The following NEK6 variants were observed in gnomAD, a reference collection of about 807,000 sequenced individuals.
NEK6 encodes NIMA related kinase 6.
NEK6 carries 27 observed loss-of-function variants against 43.5 expected under a neutral mutation model. The ratio of observed to expected loss-of-function variants is 0.62; its 90% CI spans 0.46 to 0.86. The LOEUF (loss-of-function observed/expected upper bound fraction) is 0.86. NEK6 is among the 40% of genes least tolerant of loss of function. NEK6 has a pLI of 0.00. For synonymous variants in NEK6, 167 were observed against 164.1 expected, an observed-to-expected ratio of 1.02 and a Z score of -0.14; for missense variants, 318 against 414.4, an observed-to-expected ratio of 0.77 and a Z score of 2.02.
intron 7 of NEK6, among the ~76,000 whole-genome samples, chr9:124,338,678 G>A (rs1829414533): frequency 6.6e-6 from 1 of 152,210 alleles, no homozygotes; most frequent in Admixed American, 6.5e-5. Context: ...GAGCTAAGTG[G>A]TCAGTTTCTG....
At chr9:124,263,237 C>G (rs114770455) in intron 1 of NEK6, among the ~76,000 whole-genome samples, 1 of 152,182 alleles carries the variant, frequency 6.6e-6, no homozygotes, top group African/African-American at 2.4e-5. Context: ...GGGGTTGAGA[C>G]GAGCACTGGG....
At chr9:124,308,703 G>T (rs898688299) in intron 2 of NEK6, among the ~76,000 whole-genome samples, 1 of 152,072 alleles carries the variant, frequency 6.6e-6, no homozygotes, top group Non-Finnish European at 1.5e-5. Flanking sequence ...CATCGGGGTG[G>T]TCGGTCATTA....
intron 1 of NEK6, among the ~76,000 whole-genome samples, chr9:124,289,406 T>G (rs1187272527): frequency 1.3e-5 from 2 of 152,020 alleles, no homozygotes; most frequent in Admixed American, 1.3e-4. Flanking sequence ...CTTCCAGGGT[T>G]GTTTTGTGAG....
chr9:124,306,918 TGAAGTGTGC>T (rs1343814850), intron 2 of NEK6, among the ~76,000 whole-genome samples: 1 of 152,254 alleles, frequency 6.6e-6, no homozygotes, highest in Non-Finnish European at 1.5e-5. Context: ...GTCATCCTGA[TGAAGTGTGC>T]TTTTTAAAAT....
intron 2 of NEK6, 75 bp downstream of exon 2, chr9:124,302,129 A>G (rs1833014586): frequency 9.0e-7 from 1 of 1,111,532 alleles, no homozygotes; most frequent in African/African-American, 1.6e-5. Flanking sequence ...TCCTTTGTCC[A>G]AACTCCTACT....
chr9:124,257,863 G>C (rs1172855704), upstream of NEK6: 1 of 1,059,832 alleles, frequency 9.4e-7, no homozygotes, highest in African/African-American at 1.7e-5. Flanking sequence ...CCTCAAGCTT[G>C]CGTGGCGGCA....
Position 124,258,092 on chromosome 9 carries a change from C to T in NEK6, c.-30+7C>T. 1 of 979,058 alleles carries T rather than the reference C, an allele frequency of 1.0e-6. No homozygotes were observed. Among genetic ancestry groups the T allele is most frequent in the Non-Finnish European group, 1.2e-6 (1 of 827,516 alleles). 60.6% of individuals were successfully genotyped at this position (979,058 alleles called of 1,614,324 possible). A position where few individuals can be genotyped will look rare whatever the true frequency, so the allele number is the denominator to read the frequency against. ...CGAGCCCGCCCGCGCGCCGGTGAGT[C>T]GCCTGGGGCTGGGGCCGGGCCGGTG... On this transcript the variant is annotated splice_region_variant and intron_variant, in intron 1 of 9. Coordinates refer to ENST00000320246, the MANE Select transcript of NEK6 (RefSeq NM_014397.6).
upstream of NEK6, chr9:124,257,640 A>C: frequency 6.6e-7 from 1 of 1,513,030 alleles, no homozygotes; most frequent in Non-Finnish European, 8.8e-7. Context: ...GAAGACGCAC[A>C]GGAGTCCAAG....
chr9:124,301,938 C>T lies in NEK6; in HGVS notation c.-27C>T, dbSNP rs918329473. 13 of 1,573,194 alleles carry T rather than the reference C, an allele frequency of 8.3e-6. No individual in the cohort carries two copies. Among genetic ancestry groups the T allele is most frequent in the African/African-American group, 2.7e-5 (2 of 73,948 alleles). On this transcript the variant is annotated splice_region_variant and 5_prime_UTR_variant, in exon 2 of 10. Transcript: ENST00000320246. ...CAGGCCGCTGTTTTCTGTTGCAGTT[C>T]GTGCCCTCGTGAGGCTGGCATGCAG...
intron 1 of NEK6, among the ~76,000 whole-genome samples, chr9:124,269,217 C>T (rs73666841): frequency 0.016 from 2,443 of 152,280 alleles, 74 homozygotes; most frequent in African/African-American, 0.055. Flanking sequence ...TGGTCCACCC[C>T]AGACCCCACA....
Position 124,347,713 on chromosome 9 carries a change from C to A in NEK6, c.722C>A (p.Ala241Glu). ...WSLGCLLYEM[A>E]ALQSPFYGDK... ...CGTTGTTCCCGTCCCTTGCAGATGG[C>A]AGCCCTCCAGAGCCCCTTCTATGGA... Residue 241 changes from alanine (A) to glutamate (E), a missense_variant, in exon 9 of 10, where the codon GCA (alanine) becomes GAA (glutamate). By Grantham distance (107) the Ala-to-Glu change is moderately radical. Around this residue, in one of 2 missense-constraint regions of NEK6, gnomAD observed 239 missense variants for 344.4 expected, o/e 0.69. Coordinates refer to ENST00000320246, the MANE Select transcript of NEK6 (RefSeq NM_014397.6). 1 of 1,590,506 alleles carries A rather than the reference C, an allele frequency of 6.3e-7. No homozygotes were observed. The highest frequency in any genetic ancestry group is 1.1e-5 in the South Asian group (1 of 87,932).
In NEK6 at chr9:124,276,081, T is replaced by C. The variant is rs535262179; in HGVS notation, c.-30+17996T>C. Among the ~76,000 whole-genome samples the C allele has an allele frequency of 1.1e-4, 17 of 151,984 alleles. No individual in the cohort carries two copies. In the South Asian group the frequency reaches 3.1e-3, roughly 28 times the overall value. On this transcript the variant is annotated intron_variant, in intron 1 of 9. Transcript: ENST00000320246. ...GGGGGGCTGGGAGGCGGCTGTGAAC[T>C]TCAGGAGAGAGGAGGGGGAACGGGG...
chr9:124,314,015 G>T (rs758040793), intron 4 of NEK6, 30 bp downstream of exon 4: 1 of 1,610,530 alleles, frequency 6.2e-7, no homozygotes, highest in East Asian at 2.2e-5. Flanking sequence ...CGGGAGCTTT[G>T]CCTCCTCGGG....
intron 8 of NEK6, among the ~76,000 whole-genome samples, chr9:124,340,710 G>A (rs907034921): frequency 6.6e-6 from 1 of 152,232 alleles, no homozygotes; most frequent in African/African-American, 2.4e-5. Context: ...AAGAACTTCA[G>A]TCTCAGCTGC....
rs558845865 is a variant in NEK6 at position 124,287,342 on chromosome 9, A to T, written c.-29-14594A>T. On this transcript the variant is annotated intron_variant, in intron 1 of 9. Transcript: ENST00000320246. Reference sequence around the variant, plus strand: ...GGTGCCAAGGTGGGCCTGGAGCACGACGTAGGCAGACACGGGGCCGAGCCC... The same window carrying T: ...GGTGCCAAGGTGGGCCTGGAGCACGTCGTAGGCAGACACGGGGCCGAGCCC... 1.4e-4 allele frequency among the ~76,000 whole-genome samples: 22 copies of T among 152,334 alleles called. No individual in the cohort carries two copies. The South Asian group carries it at 3.3e-3, about 23-fold the overall frequency.
Position 124,343,212 on chromosome 9 carries a change from G to T in NEK6, c.717+3547G>T, listed in dbSNP as rs548760435. 4.0e-5 allele frequency among the ~76,000 whole-genome samples: 6 copies of T among 151,662 alleles called. No individual in the cohort carries two copies. Among genetic ancestry groups the T allele is most frequent in the East Asian group, 1.9e-4 (1 of 5,132 alleles). ...GGGCTGTGCGGCTCGCAGCTGGGGG[G>T]GCTGGACCACAGCCGGGGGGCGGTG... On this transcript the variant is annotated intron_variant, in intron 8 of 9. Transcript: ENST00000320246. This position sits in a 1 kb window ranked among gnomAD's most constrained non-coding sequence, Gnocchi z 5.1.
At chr9:124,283,346 G>A (rs1227952486) in intron 1 of NEK6, among the ~76,000 whole-genome samples, 1 of 152,218 alleles carries the variant, frequency 6.6e-6, no homozygotes, top group Admixed American at 6.5e-5. Context: ...TTGGGAAGGA[G>A]AATCTATAGG....
At chr9:124,282,431 A>G in intron 1 of NEK6, among the ~76,000 whole-genome samples, 1 of 152,340 alleles carries the variant, frequency 6.6e-6, no homozygotes, top group East Asian at 1.9e-4. Context: ...CTTGATTAGT[A>G]TCTCCAAGTA....
chr9:124,259,785 T>C (rs1830955534), intron 1 of NEK6, among the ~76,000 whole-genome samples: 1 of 152,204 alleles, frequency 6.6e-6, no homozygotes, highest in African/African-American at 2.4e-5. Flanking sequence ...GCCTCTGCTG[T>C]CCCGTCTGCT....
Sources: gnomAD v4.1 joint callset for allele counts (sites outside exome capture counted in the v4.1 genomes callset) on GRCh38, gnomAD v4.1.1 for gene constraint, gnomAD v4.1.1 regional missense constraint, Gnocchi (gnomAD v3.1) non-coding constraint, MANE v1.5 for transcripts, NCBI Gene and HGNC (gene_info 2026-07-23, HGNC 2026-07-21) for gene names.